The following UNKL variants were observed in gnomAD, a reference collection of about 807,000 sequenced individuals.
The protein encoded by UNKL is unk like zinc finger.
UNKL carries 60 observed loss-of-function variants against 78.0 expected under a neutral mutation model. That is an observed-to-expected ratio of 0.77 (90% confidence interval 0.63 to 0.95). UNKL has a LOEUF of 0.95. Ranked by LOEUF, UNKL falls within the 40% of genes least tolerant of loss-of-function variation. The pLI, the probability that UNKL is intolerant of heterozygous loss-of-function variation, is 0.00. For missense variants in UNKL, 1,159 were observed against 1,045.7 expected (o/e 1.11, Z -1.49); for synonymous variants, 608 against 474.8 (o/e 1.28, Z -3.65).
intron 6 of UNKL, 21 bp downstream of exon 6, chr16:1,397,157 T>TG (rs1357587164): frequency 1.3e-6 from 2 of 1,545,144 alleles, no homozygotes; most frequent in Non-Finnish European, 1.7e-6. Flanking sequence ...CCCCTACGCC[T>TG]GGGGGGTTGG....
chr16:1,408,758 G>A (rs2037899873), intron 2 of UNKL: 1 of 152,414 alleles, frequency 6.6e-6, no homozygotes, highest in African/African-American at 2.4e-5. Context: ...GCCAGCAGCG[G>A]GGGGCCCTCC....
chr16:1,395,848 C>T (rs1002788979), intron 6 of UNKL: 4 of 435,160 alleles, frequency 9.2e-6, no homozygotes, highest in African/African-American at 8.1e-5. Flanking sequence ...CACCGACACC[C>T]AGAAAGCATG....
chr16:1,403,033 A>T lies in UNKL; in HGVS notation c.464+135T>A. ...GGACTAACATCCAGACTCAGAAAGA[A>T]ATTCTGGAGGAGAGAGATTTGGGCC... On this transcript the variant is annotated intron_variant, in intron 3 of 14. Coordinates refer to ENST00000389221, the MANE Select transcript of UNKL (RefSeq NM_001372107.1). The surrounding 1 kb of genome is among the most constrained non-coding windows in gnomAD (Gnocchi z 4.8). The T allele has an allele frequency of 8.6e-7, 1 of 1,156,118 alleles. No individual in the cohort carries two copies. Among genetic ancestry groups the T allele is most frequent in the Non-Finnish European group, 1.2e-6 (1 of 846,220 alleles). The allele number at this position is 1,156,118 out of a possible 1,614,324, so 71.6% of individuals were successfully genotyped here. A position where few individuals can be genotyped will look rare whatever the true frequency, so the allele number is the denominator to read the frequency against.
intron 10 of UNKL, among the ~76,000 whole-genome samples, chr16:1,381,991 C>G (rs2036623436): frequency 6.6e-6 from 1 of 152,192 alleles, no homozygotes; most frequent in Non-Finnish European, 1.5e-5. Flanking sequence ...GGAAGGCCGT[C>G]ACCTGTGGTG....
intron 2 of UNKL, among the ~76,000 whole-genome samples, chr16:1,404,157 T>C (rs1328840936): frequency 6.6e-6 from 1 of 152,154 alleles, no homozygotes; most frequent in Non-Finnish European, 1.5e-5. Flanking sequence ...GAGTCATCAA[T>C]GGTGTCGAGC....
At chr16:1,393,934 C>T (rs1283659200) in intron 7 of UNKL, among the ~76,000 whole-genome samples, 197 bp downstream of exon 7, 1 of 152,180 alleles carries the variant, frequency 6.6e-6, no homozygotes, top group Non-Finnish European at 1.5e-5. Flanking sequence ...GTGGAGGGAG[C>T]CCAGCCTCAC....
intron 10 of UNKL, among the ~76,000 whole-genome samples, chr16:1,376,705 G>C (rs958701142): frequency 1.4e-3 from 54 of 39,890 alleles, no homozygotes; most frequent in African/African-American, 3.4e-3. Flanking sequence ...TACATTCCAA[G>C]ACCCCCCCAT....
Position 1,401,626 on chromosome 16 carries a change from C to T in UNKL, c.540G>A (p.Gly180=), listed in dbSNP as rs139467103. The part of the protein sequence containing the change: ...GGEGVPDLQP[G]VLASQAMIEK... Reference sequence around the variant, plus strand: ...CAATCATGGCCTGGCTGGCCAAGACCCCAGGCTGCAGATCCGGGACCCCTT... The same window carrying T: ...CAATCATGGCCTGGCTGGCCAAGACTCCAGGCTGCAGATCCGGGACCCCTT... The change falls in exon 4 of 15, where the codon GGG becomes GGA. Residue 180 remains glycine (G), a synonymous_variant. Transcript: ENST00000389221. The T allele has an allele frequency of 6.7e-3, 10,859 of 1,610,534 alleles. 49 individuals carry two copies. Among genetic ancestry groups the T allele is most frequent in the Non-Finnish European group, 8.4e-3 (9,903 of 1,178,584 alleles).
In UNKL at chr16:1,371,571, T is replaced by G; in HGVS notation, c.1305A>C (p.Ala435=). Residue 435 remains alanine, a synonymous_variant, in exon 11 of 15, where the codon GCA becomes GCC. Transcript: ENST00000389221. ...GCTCTTCCAGGTCCTTCTCTAGGGATGCAATATTCACATTGCTAAGATGCA... is the reference window on the plus strand; with the variant it reads ...GCTCTTCCAGGTCCTTCTCTAGGGAGGCAATATTCACATTGCTAAGATGCA... The part of the protein sequence containing the change: ...LDLHLSNVNI[A]SLEKDLEEQD... 1.3e-6 allele frequency: 2 copies of G among 1,536,208 alleles called. No homozygotes were observed. The highest frequency in any genetic ancestry group is 1.7e-6 in the Non-Finnish European group (2 of 1,146,912).
rs1286748325 is a variant in UNKL, at chr16:1,366,067, G to C, written c.*173C>G. The C allele has an allele frequency of 1.5e-6, 1 of 685,084 alleles. No individual in the cohort carries two copies. The highest frequency in any genetic ancestry group is 2.2e-6 in the Non-Finnish European group (1 of 449,128). 42.4% of individuals were successfully genotyped at this position (685,084 alleles called of 1,614,324 possible). A position where few individuals can be genotyped will look rare whatever the true frequency, so the allele number is the denominator to read the frequency against. Reference sequence around the variant, plus strand: ...TAGGTGACAACGTGTGACAGGAAAGGCTGTCAGGCCAAGCGCAGGCGGGGC... The same window carrying C: ...TAGGTGACAACGTGTGACAGGAAAGCCTGTCAGGCCAAGCGCAGGCGGGGC... On this transcript the variant is annotated 3_prime_UTR_variant, in exon 15 of 15. Transcript: ENST00000389221.
chr16:1,385,469 C>A, intron 9 of UNKL, 84 bp from the exon 10 acceptor site: 1 of 1,248,014 alleles, frequency 8.0e-7, no homozygotes. Context: ...GAAAGCACCG[C>A]GGGACGGCGG....
chr16:1,390,406 A>T (rs2036997511), intron 9 of UNKL, among the ~76,000 whole-genome samples: 1 of 152,236 alleles, frequency 6.6e-6, no homozygotes. Flanking sequence ...TTTGTTTCCA[A>T]GGTATAACAC....
chr16:1,366,889 A>AGGAAAGGCAGCTCCCAGGG (rs2035307874), intron 14 of UNKL, among the ~76,000 whole-genome samples: 3 of 151,136 alleles, frequency 2.0e-5, no homozygotes, highest in African/African-American at 7.3e-5. Context: ...CCAGCCTGAC[A>AGGAAAGGCAGCTCCCAGGG]GGAAAGGCGG....
chr16:1,367,988 G>T, intron 12 of UNKL, 130 bp from the exon 13 acceptor site: 1 of 818,592 alleles, frequency 1.2e-6, no homozygotes, highest in Non-Finnish European at 1.9e-6. Context: ...TGGCAGCAGG[G>T]GTGCAGCCAC....
chr16:1,367,431 T>TC (rs1445308897), intron 13 of UNKL, 82 bp from the exon 14 acceptor site: 7 of 1,422,956 alleles, frequency 4.9e-6, no homozygotes, highest in African/African-American at 3.5e-5. Flanking sequence ...CCAGCGATCC[T>TC]CCCCTCCCCT....
At chr16:1,394,364 C>T (rs1462319322) in intron 6 of UNKL, 149 bp from the exon 7 acceptor site, 1 of 929,418 alleles carries the variant, frequency 1.1e-6, no homozygotes, top group South Asian at 1.4e-5. Context: ...CCCTCCTCCA[C>T]GTGTGCCCTT....
chr16:1,384,020 A>G, intron 10 of UNKL: 1 of 194,042 alleles, frequency 5.2e-6, no homozygotes. Context: ...ACCCCAGCCC[A>G]GGGACAGAGA....
intron 4 of UNKL, among the ~76,000 whole-genome samples, chr16:1,401,106 C>T (rs2037505646): frequency 6.6e-6 from 1 of 152,200 alleles, no homozygotes; most frequent in African/African-American, 2.4e-5. Flanking sequence ...TGTTTCTGGC[C>T]AAGCTCAGGG....
rs1020889263 is a variant in UNKL, at chr16:1,385,268, C to T, written c.1204G>A (p.Ala402Thr). The T allele has an allele frequency of 2.2e-5, 29 of 1,334,638 alleles. No individual in the cohort carries two copies. Among genetic ancestry groups the T allele is most frequent in the South Asian group, 5.7e-5 (3 of 52,494 alleles). The allele number at this position is 1,334,638 out of a possible 1,614,324, so 82.7% of individuals were successfully genotyped here. A position where few individuals can be genotyped will look rare whatever the true frequency, so the allele number is the denominator to read the frequency against. ...AGCGGGAGGGCACGGGCGGGGGGCG[C>T]GGGCAGCGCAGTGGGGGAGGAGCTG... ...SGSSSPTALP[A>T]PPARALPLGP... is the part of the protein sequence containing the mutation. Residue 402 changes from alanine (A) to threonine (T), a missense_variant, in exon 10 of 15, where the codon GCG becomes ACG. Transcript: ENST00000389221.
Sources: allele counts gnomAD v4.1 joint callset (sites outside exome capture counted in the v4.1 genomes callset), GRCh38; gene constraint gnomAD v4.1.1; non-coding constraint Gnocchi (gnomAD v3.1); transcripts MANE v1.5; gene names NCBI Gene and HGNC (gene_info 2026-07-23, HGNC 2026-07-21).